Variants in PTPRM observed in about 807,000 individuals in gnomAD.
PTPRM encodes the protein receptor-type tyrosine-protein phosphatase mu.
In PTPRM, 47 loss-of-function variants were observed where a neutral mutation model predicts 186.7. The ratio of observed to expected loss-of-function variants is 0.25; its 90% confidence interval spans 0.20 to 0.32. The LOEUF (loss-of-function observed/expected upper bound fraction) is 0.32, where lower values mean the gene tolerates loss of function less well. Among genes scored for constraint, PTPRM ranks in the 10% least tolerant of loss-of-function variants. PTPRM has a pLI of 1.00. For synonymous variants in PTPRM, 668 were observed against 674.9 expected (o/e 0.99, Z 0.16); for missense variants, 1,494 against 1,865.0 (o/e 0.80, Z 3.66).
intron 22 of PTPRM, among the ~76,000 whole-genome samples, chr18:8,341,728 A>G (rs1254979062): frequency 1.3e-5 from 2 of 151,392 alleles, no homozygotes; most frequent in Non-Finnish European, 2.9e-5. Context: ...GTTTGCGCAA[A>G]GAAGGACTCA....
chr18:8,279,029 T>TA (rs532174704), intron 19 of PTPRM, among the ~76,000 whole-genome samples: 57 of 152,210 alleles, frequency 3.7e-4, no homozygotes, highest in Admixed American at 1.0e-3. Context: ...TATACATATG[T>TA]AACAAAGCTG....
intron 31 of PTPRM, among the ~76,000 whole-genome samples, chr18:8,392,797 T>C (rs1260781647): frequency 1.3e-5 from 2 of 152,154 alleles, no homozygotes; most frequent in Admixed American, 1.3e-4. Flanking sequence ...GAGCTCCCAC[T>C]GGCCAAAGCT....
At chr18:7,605,101 G>C (rs1453526718) in intron 1 of PTPRM, among the ~76,000 whole-genome samples, 1 of 152,118 alleles carries the variant, frequency 6.6e-6, no homozygotes, top group East Asian at 1.9e-4. Flanking sequence ...TGATCTTTTG[G>C]CTTCCCTGGG....
intron 7 of PTPRM, among the ~76,000 whole-genome samples, chr18:8,047,854 G>A (rs956986682): frequency 6.6e-6 from 1 of 152,150 alleles, no homozygotes; most frequent in Non-Finnish European, 1.5e-5. Flanking sequence ...TGAGTGCTAT[G>A]GACTTGAGAC....
At chr18:8,343,387 A>G (rs755076365) in intron 22 of PTPRM, 36 bp from the exon 23 acceptor site, 3 of 1,597,860 alleles carry the variant, frequency 1.9e-6, no homozygotes, top group Admixed American at 1.7e-5. Context: ...GAAACTTACA[A>G]CAAAAACAAA....
At chr18:7,958,662 C>T (rs753924500) in intron 7 of PTPRM, among the ~76,000 whole-genome samples, 2 of 152,112 alleles carry the variant, frequency 1.3e-5, no homozygotes, top group Non-Finnish European at 2.9e-5. Context: ...GATGATCCAC[C>T]GGATATTTCT....
At chr18:8,267,091 T>C (rs191154813) in intron 19 of PTPRM, among the ~76,000 whole-genome samples, 5 of 152,320 alleles carry the variant, frequency 3.3e-5, no homozygotes, top group Admixed American at 3.3e-4. Context: ...TAATTATAAA[T>C]ACGCAGCGTA....
At chr18:8,376,852 G>T in intron 26 of PTPRM, 1 of 409,268 alleles carries the variant, frequency 2.4e-6, no homozygotes, top group Non-Finnish European at 4.3e-6. Context: ...TGTATTAAGG[G>T]ACCCAAAAAA....
At chr18:7,774,638 C>T (rs2042494337) in intron 2 of PTPRM, among the ~76,000 whole-genome samples, 1 of 152,122 alleles carries the variant, frequency 6.6e-6, no homozygotes. Context: ...CCATAGGAGG[C>T]CTTGGTGGGG....
At chr18:8,065,112 C>T (rs923734940) in intron 7 of PTPRM, among the ~76,000 whole-genome samples, 8 of 152,014 alleles carry the variant, frequency 5.3e-5, no homozygotes, top group African/African-American at 1.9e-4. Context: ...AAAATTATAC[C>T]CAAATATCTC....
chr18:7,822,701 GC>G (rs2045263734), intron 2 of PTPRM, among the ~76,000 whole-genome samples: 1 of 152,092 alleles, frequency 6.6e-6, no homozygotes, highest in African/African-American at 2.4e-5. Context: ...CAAGGCCTCT[GC>G]GGACCTTGAA....
chr18:8,309,537 A>G (rs2095252416), intron 20 of PTPRM, among the ~76,000 whole-genome samples: 1 of 152,208 alleles, frequency 6.6e-6, no homozygotes, highest in Admixed American at 6.5e-5. Context: ...TTATAGAGAC[A>G]GGGTCTTGCT....
chr18:7,910,115 T>C (rs1383569074), intron 4 of PTPRM, among the ~76,000 whole-genome samples: 1 of 152,260 alleles, frequency 6.6e-6, no homozygotes, highest in East Asian at 1.9e-4. Flanking sequence ...AAGCCGTATG[T>C]AATTTTAATA....
chr18:8,103,910 G>C (rs2091402640), intron 11 of PTPRM, among the ~76,000 whole-genome samples: 1 of 152,110 alleles, frequency 6.6e-6, no homozygotes, highest in African/African-American at 2.4e-5. Flanking sequence ...ATACTTAAAG[G>C]CCATTGTATG....
At chr18:8,279,391 C>T (rs1223336475) in intron 19 of PTPRM, among the ~76,000 whole-genome samples, 1 of 152,202 alleles carries the variant, frequency 6.6e-6, no homozygotes, top group Non-Finnish European at 1.5e-5. Context: ...TTTGCTGGCT[C>T]TTTGCAGATT....
intron 7 of PTPRM, among the ~76,000 whole-genome samples, chr18:7,963,405 A>C (rs996052218): frequency 2.6e-5 from 4 of 152,220 alleles, no homozygotes; most frequent in Admixed American, 1.3e-4. Flanking sequence ...TGAGAGGTTC[A>C]GAAGCTCCTC....
At chr18:8,038,031 G>C (rs1314463874) in intron 7 of PTPRM, among the ~76,000 whole-genome samples, 1 of 152,052 alleles carries the variant, frequency 6.6e-6, no homozygotes, top group Non-Finnish European at 1.5e-5. Flanking sequence ...TGAGCTTCTT[G>C]TCTTTTCATG....
intron 2 of PTPRM, among the ~76,000 whole-genome samples, chr18:7,791,394 C>T (rs1306948726): frequency 2.0e-5 from 3 of 152,164 alleles, no homozygotes; most frequent in Non-Finnish European, 2.9e-5. Flanking sequence ...ACCTTTATTT[C>T]CCATTCACAT....
intron 4 of PTPRM, among the ~76,000 whole-genome samples, chr18:7,925,171 A>G (rs1274199293): frequency 6.6e-6 from 1 of 152,190 alleles, no homozygotes; most frequent in Non-Finnish European, 1.5e-5. Flanking sequence ...TTTTACAGAG[A>G]TCTTTTAAAA....
Sources: gnomAD v4.1 joint callset for allele counts (sites outside exome capture counted in the v4.1 genomes callset) on GRCh38, gnomAD v4.1.1 for gene constraint, MANE v1.5 for transcripts, NCBI Gene and HGNC (gene_info 2026-07-23, HGNC 2026-07-21) for gene names.